The following NKAIN2 variants were observed in gnomAD, a reference collection of about 807,000 sequenced individuals.
NKAIN2 encodes the protein sodium/potassium transporting ATPase interacting 2.
NKAIN2 carries 14 observed loss-of-function variants against 32.6 expected under a neutral mutation model. The observed-to-expected ratio is 0.43, with a 90% CI of 0.28 to 0.67. The LOEUF (loss-of-function observed/expected upper bound fraction) is 0.67. Ranked by LOEUF, NKAIN2 falls within the 30% of genes least tolerant of loss-of-function variation. The probability of loss-of-function intolerance (pLI) is 0.17; values close to 1 mark genes in which losing one functional copy is unlikely to be tolerated. For synonymous variants in NKAIN2, 80 were observed against 87.2 expected, an observed-to-expected ratio of 0.92 and a Z score of 0.46; for missense variants, 198 against 258.3, an observed-to-expected ratio of 0.77 and a Z score of 1.60.
At chr6:123,920,747 C>T (rs560132992) in intron 1 of NKAIN2, among the ~76,000 whole-genome samples, 1 of 152,156 alleles carries the variant, frequency 6.6e-6, no homozygotes, top group South Asian at 2.1e-4. Flanking sequence ...ATTTTGACTT[C>T]ATTGGCCCTC....
At chr6:124,342,361 A>T (rs536689172) in intron 2 of NKAIN2, among the ~76,000 whole-genome samples, 1 of 148,832 alleles carries the variant, frequency 6.7e-6, no homozygotes, top group Non-Finnish European at 1.5e-5. Flanking sequence ...GTGAGCCGAG[A>T]TTGCCCCACT....
At chr6:123,811,769 T>G (rs1773484013) in intron 1 of NKAIN2, among the ~76,000 whole-genome samples, 1 of 152,166 alleles carries the variant, frequency 6.6e-6, no homozygotes, top group Non-Finnish European at 1.5e-5. Context: ...CCAATGGCCC[T>G]AGTTAGAACA....
chr6:124,231,287 T>C (rs1174957664), intron 1 of NKAIN2, among the ~76,000 whole-genome samples: 2 of 152,250 alleles, frequency 1.3e-5, no homozygotes, highest in African/African-American at 4.8e-5. Context: ...ACTAACTTGC[T>C]TTTGATTTTA....
At chr6:124,348,759 G>A (rs573123892) in intron 2 of NKAIN2, among the ~76,000 whole-genome samples, 1 of 152,344 alleles carries the variant, frequency 6.6e-6, no homozygotes, top group Non-Finnish European at 1.5e-5. Flanking sequence ...GTCAGTGGGT[G>A]CAGTGCACCT....
rs148003544 is a variant in NKAIN2, at chr6:124,116,239, C to G, written c.55-166766C>G. Among the ~76,000 whole-genome samples, 1,111 of 152,120 alleles carry G rather than the reference C, an allele frequency of 7.3e-3. 15 individuals are homozygous for G. Among genetic ancestry groups the G allele is most frequent in the African/African-American group, 0.024 (1,018 of 41,556 alleles). On this transcript the variant is annotated intron_variant, in intron 1 of 6. Transcript: ENST00000368417. The stretch of plus-strand genomic sequence containing the variant: ...TTAGAGATACCATGTATCCTAATTA[C>G]TCCACCTGGGGTTCCTTCAGCAGTT...
intron 1 of NKAIN2, among the ~76,000 whole-genome samples, chr6:124,170,906 A>G (rs1300460593): frequency 2.0e-5 from 3 of 152,148 alleles, no homozygotes; most frequent in South Asian, 2.1e-4. Flanking sequence ...TTAGTTCTTT[A>G]TAAGTTTTTT....
At chr6:124,609,972 A>G (rs1375235331) in intron 3 of NKAIN2, among the ~76,000 whole-genome samples, 1 of 152,156 alleles carries the variant, frequency 6.6e-6, no homozygotes. Flanking sequence ...ATTAGTAAAT[A>G]TACAGTTCAT....
At chr6:124,225,586 C>A (rs557972797) in intron 1 of NKAIN2, among the ~76,000 whole-genome samples, 1 of 151,764 alleles carries the variant, frequency 6.6e-6, no homozygotes, top group South Asian at 2.1e-4. Context: ...TATGACATTG[C>A]AAAGCATGCA....
At chr6:124,359,205 G>A (rs999278743) in intron 3 of NKAIN2, among the ~76,000 whole-genome samples, 6 of 152,198 alleles carry the variant, frequency 3.9e-5, no homozygotes, top group Middle Eastern at 6.8e-3. Context: ...GTCAGGTAGC[G>A]TGATGCCTCC....
In NKAIN2 at chr6:123,914,667, A is replaced by G. The variant is rs1245935402; in HGVS notation, c.54+110413A>G. ...TTACCCACTAGCAAGCTTTAGGGCT[A>G]GGATTCATACCCCGGCTGTCTCACT... On this transcript the variant is annotated intron_variant, in intron 1 of 6. Coordinates refer to ENST00000368417, the MANE Select transcript of NKAIN2 (RefSeq NM_001040214.3). 1.1e-4 allele frequency among the ~76,000 whole-genome samples: 16 copies of G among 152,292 alleles called. No individual in the cohort carries two copies. In the East Asian group the frequency reaches 3.1e-3, roughly 29 times the overall value.
At chr6:124,279,627 G>A (rs181772480) in intron 1 of NKAIN2, among the ~76,000 whole-genome samples, 4 of 151,770 alleles carry the variant, frequency 2.6e-5, no homozygotes, top group Admixed American at 6.6e-5. Context: ...TGAACTGTAG[G>A]TCAGTTTATA....
chr6:124,719,383 T>C (rs972060998), intron 4 of NKAIN2, among the ~76,000 whole-genome samples: 1 of 152,190 alleles, frequency 6.6e-6, no homozygotes, highest in Admixed American at 6.5e-5. Context: ...CTTATCACTA[T>C]ATGACTATAT....
At chr6:124,491,575 A>G (rs2114725339) in intron 3 of NKAIN2, among the ~76,000 whole-genome samples, 1 of 152,016 alleles carries the variant, frequency 6.6e-6, no homozygotes, top group Admixed American at 6.6e-5. Context: ...AAAAGTATGT[A>G]TGCCCTTTTT....
At chr6:124,257,738 T>A (rs980814066) in intron 1 of NKAIN2, among the ~76,000 whole-genome samples, 23 of 152,058 alleles carry the variant, frequency 1.5e-4, no homozygotes, top group African/African-American at 5.1e-4. Flanking sequence ...AGCACTCCTC[T>A]ATGAGCTGGA....
At chr6:124,013,294 G>A (rs1780417944) in intron 1 of NKAIN2, among the ~76,000 whole-genome samples, 1 of 152,114 alleles carries the variant, frequency 6.6e-6, no homozygotes, top group South Asian at 2.1e-4. Flanking sequence ...ATGAAGAACA[G>A]AATCATTTAA....
chr6:124,164,942 G>A (rs1266824665), intron 1 of NKAIN2, among the ~76,000 whole-genome samples: 1 of 152,066 alleles, frequency 6.6e-6, no homozygotes, highest in African/African-American at 2.4e-5. Flanking sequence ...ATTAGGTTTA[G>A]AGCCATAACT....
chr6:124,342,804 CAGA>C (rs1798195408), intron 2 of NKAIN2, among the ~76,000 whole-genome samples: 2 of 132,420 alleles, frequency 1.5e-5, no homozygotes, highest in Non-Finnish European at 3.1e-5. Context: ...CACACCTGCC[CAGA>C]AGATGTTTTA....
intron 4 of NKAIN2, among the ~76,000 whole-genome samples, chr6:124,775,689 C>A (rs568858141): frequency 4.6e-5 from 7 of 152,198 alleles, no homozygotes; most frequent in African/African-American, 1.7e-4. Flanking sequence ...TGGGAAAATG[C>A]CTGCAACATC....
At chr6:124,571,203 T>C (rs1476862687) in intron 3 of NKAIN2, among the ~76,000 whole-genome samples, 1 of 152,104 alleles carries the variant, frequency 6.6e-6, no homozygotes, top group African/African-American at 2.4e-5. Flanking sequence ...GGTTCATAGG[T>C]GGAAGGGATT....
Sources: allele counts gnomAD v4.1 joint callset (sites outside exome capture counted in the v4.1 genomes callset), GRCh38; gene constraint gnomAD v4.1.1; transcripts MANE v1.5; gene names NCBI Gene and HGNC (gene_info 2026-07-23, HGNC 2026-07-21).